COX7B2: variants seen among roughly 807,000 people sequenced by gnomAD.
The protein encoded by COX7B2 is cytochrome c oxidase subunit 7B2, also known as cytochrome c oxidase subunit 7B2, mitochondrial.
For missense variants in COX7B2, 109 were observed against 95.9 expected (o/e 1.14, Z -0.57); for synonymous variants, 37 against 32.1 (o/e 1.15, Z -0.51).
intron 2 of COX7B2, among the ~76,000 whole-genome samples, chr4:46,819,108 T>C (rs1019519422): frequency 2.0e-5 from 3 of 152,198 alleles, no homozygotes; most frequent in African/African-American, 4.8e-5. Context: ...TAAAAAACCA[T>C]GTAGCCTTCT....
At chr4:46,905,853 C>T (rs866704531) in intron 1 of COX7B2, among the ~76,000 whole-genome samples, 1 of 101,576 alleles carries the variant, frequency 9.8e-6, no homozygotes, top group African/African-American at 3.8e-5. Flanking sequence ...GACGGAGTCT[C>T]GCTCTGTCGC....
At chr4:46,897,433 A>G (rs1032454990) in intron 1 of COX7B2, among the ~76,000 whole-genome samples, 12 of 152,194 alleles carry the variant, frequency 7.9e-5, no homozygotes, top group African/African-American at 2.9e-4. Context: ...CTTGAGTATT[A>G]AGAAAAGTTG....
chr4:46,810,340 C>A (rs1014047536), intron 2 of COX7B2, among the ~76,000 whole-genome samples: 1 of 151,898 alleles, frequency 6.6e-6, no homozygotes, highest in African/African-American at 2.4e-5. Flanking sequence ...TTTGTAGTTT[C>A]TTTGTTCCTT....
chr4:46,800,542 G>A (rs1401404681), intron 2 of COX7B2, among the ~76,000 whole-genome samples: 3 of 152,276 alleles, frequency 2.0e-5, no homozygotes, highest in African/African-American at 7.2e-5. Context: ...GGGATTACTG[G>A]CTAGCCATAT....
chr4:46,759,168 T>C lies in COX7B2; in HGVS notation c.-49-23927A>G, dbSNP rs1715978421. ...CCAGATCTCAGAGAAATTCCAAAAT[T>C]AAAATCTACGGAAAATGAGGAGCTC... On this transcript the variant is annotated intron_variant, in intron 2 of 2. Coordinates refer to ENST00000355591, the MANE Select transcript of COX7B2 (RefSeq NM_130902.3). Among the ~76,000 whole-genome samples the C allele has an allele frequency of 3.3e-5, 5 of 151,960 alleles. No homozygotes were observed. In the South Asian group the frequency reaches 1.0e-3, roughly 32 times the overall value.
At position 46,908,738 on chromosome 4, in the gene COX7B2, C is replaced by CAAAA. The variant is rs34388680; in HGVS notation, c.-105+418_-105+421dup. On this transcript the variant is annotated intron_variant, in intron 1 of 2. Transcript: ENST00000355591. ...GAAATGAAACAAAAAAGGAAAGTGG[C>CAAAA]AAAAAAAAAAAAAAAAAATCTGGCC... Among the ~76,000 whole-genome samples, 717 of 121,046 alleles carry CAAAA rather than the reference C, an allele frequency of 5.9e-3. 14 individuals carry two copies. Among genetic ancestry groups the CAAAA allele is most frequent in the Admixed American group, 0.013 (161 of 12,060 alleles). The allele number at this position is 121,046 out of a possible 152,430, so 79.4% of individuals were successfully genotyped here. A position where few individuals can be genotyped will look rare whatever the true frequency, so the allele number is the denominator to read the frequency against.
chr4:46,868,822 G>A (rs746868952), intron 1 of COX7B2, among the ~76,000 whole-genome samples: 27 of 152,182 alleles, frequency 1.8e-4, no homozygotes, highest in Non-Finnish European at 3.8e-4. Context: ...AGTGGCATGT[G>A]GCAATGAGAA....
At chr4:46,735,418 T>G (rs1013808544) in intron 2 of COX7B2, among the ~76,000 whole-genome samples, 177 bp from the exon 3 acceptor site, 10 of 152,148 alleles carry the variant, frequency 6.6e-5, no homozygotes, top group African/African-American at 2.2e-4. Context: ...TTGGGGCAAT[T>G]ATTTAACTTC....
intron 2 of COX7B2, among the ~76,000 whole-genome samples, chr4:46,766,804 A>G (rs543147314): frequency 3.9e-5 from 6 of 152,268 alleles, no homozygotes; most frequent in African/African-American, 1.4e-4. Context: ...CATTACAATT[A>G]TAAAATATTT....
chr4:46,908,737 G>GAAAAAAA (rs529389203), intron 1 of COX7B2, among the ~76,000 whole-genome samples: 1 of 45,710 alleles, frequency 2.2e-5, no homozygotes, highest in African/African-American at 6.1e-5. Context: ...AAGGAAAGTG[G>GAAAAAAA]CAAAAAAAAA....
chr4:46,877,202 T>A (rs140684554), intron 1 of COX7B2, among the ~76,000 whole-genome samples: 1 of 152,170 alleles, frequency 6.6e-6, no homozygotes, highest in Non-Finnish European at 1.5e-5. Context: ...GATGAGTATA[T>A]GGAATAAGTA....
chr4:46,848,192 G>C (rs1716419008), intron 1 of COX7B2, among the ~76,000 whole-genome samples: 1 of 152,002 alleles, frequency 6.6e-6, no homozygotes, highest in South Asian at 2.1e-4. Context: ...CACTGTTTAT[G>C]AGGCTTTGAA....
chr4:46,858,347 C>T (rs1027733963), intron 1 of COX7B2, among the ~76,000 whole-genome samples: 11 of 152,116 alleles, frequency 7.2e-5, no homozygotes, highest in African/African-American at 1.4e-4. Context: ...CCTCCTGCCT[C>T]GGCCTCCCAC....
intron 2 of COX7B2, among the ~76,000 whole-genome samples, chr4:46,789,705 T>C (rs1717936948): frequency 6.6e-6 from 1 of 152,184 alleles, no homozygotes; most frequent in Admixed American, 6.5e-5. Flanking sequence ...ATTTTAAACA[T>C]TAAGCTGAAC....
intron 1 of COX7B2, among the ~76,000 whole-genome samples, chr4:46,899,696 T>C (rs2109892085): frequency 6.6e-6 from 1 of 152,338 alleles, no homozygotes; most frequent in South Asian, 2.1e-4. Context: ...CATCCACAAA[T>C]TCATTTCATA....
At chr4:46,823,569 T>TATA (rs140804706) in intron 2 of COX7B2, among the ~76,000 whole-genome samples, 12,611 of 150,964 alleles carry the variant, frequency 0.084, 597 homozygotes, top group South Asian at 0.16. Context: ...AAAATTTTAA[T>TATA]ATAAAATACA....
At chr4:46,908,685 ATAT>A (rs1720552227) in intron 1 of COX7B2, among the ~76,000 whole-genome samples, 1 of 149,420 alleles carries the variant, frequency 6.7e-6, no homozygotes. Flanking sequence ...AAGGTCCAAA[ATAT>A]AACGTCTTTC....
intron 2 of COX7B2, among the ~76,000 whole-genome samples, chr4:46,778,533 A>G (rs1717278487): frequency 6.6e-6 from 1 of 152,154 alleles, no homozygotes; most frequent in African/African-American, 2.4e-5. Flanking sequence ...AAAAATAAAC[A>G]CCGTATATCA....
At chr4:46,755,969 T>G (rs1715771288) in intron 2 of COX7B2, among the ~76,000 whole-genome samples, 1 of 151,986 alleles carries the variant, frequency 6.6e-6, no homozygotes, top group African/African-American at 2.4e-5. Context: ...AATCTTAAAT[T>G]TTATATGGAA....
Sources: gnomAD v4.1 joint callset for allele counts (sites outside exome capture counted in the v4.1 genomes callset) on GRCh38, gnomAD v4.1.1 for gene constraint, MANE v1.5 for transcripts, NCBI Gene and HGNC (gene_info 2026-07-23, HGNC 2026-07-21) for gene names.